The following KANK2 variants were observed in gnomAD, a reference collection of about 807,000 sequenced individuals.
KANK2 encodes the protein KN motif and ankyrin repeat domains 2, also known as KN motif and ankyrin repeat domain-containing protein 2.
A neutral mutation model predicts 74.6 loss-of-function variants in KANK2; 41 were observed. The observed-to-expected ratio is 0.55, with a 90% confidence interval of 0.43 to 0.71. The LOEUF (loss-of-function observed/expected upper bound fraction) is 0.71. KANK2 is among the 30% of genes least tolerant of loss of function. KANK2 has a pLI of 0.00. For missense variants in KANK2, 1,148 were observed against 1,196.4 expected (o/e 0.96, Z 0.60); for synonymous variants, 537 against 519.0 (o/e 1.03, Z -0.47).
Position 11,178,719 on chromosome 19 carries a change from GC to G in KANK2, c.1250del (p.Gly417AlafsTer18). 6.5e-7 allele frequency: 1 copy of G among 1,527,512 alleles called. No individual in the cohort carries two copies. The allele number at this position is 1,527,512 out of a possible 1,614,324, so 94.6% of individuals were successfully genotyped here. A position where few individuals can be genotyped will look rare whatever the true frequency, so the allele number is the denominator to read the frequency against. The part of the protein sequence containing the change: ...ITERSCDGAA[G>X]LPEVPAESSS... ...ACGATTCGGCAGGAACTTCTGGGAG[GC>G]CTGGAGGGACAGGAAATGAGTGTCT... is the stretch of plus-strand genomic sequence containing the variant. On this transcript the variant is annotated frameshift_variant and splice_region_variant, in exon 5 of 13. Coordinates refer to ENST00000586659, the MANE Select transcript of KANK2 (RefSeq NM_001136191.3). LOFTEE classifies it high-confidence loss of function.
In KANK2 at chr19:11,193,031, G is replaced by C. The variant is rs1345938999; in HGVS notation, c.1049C>G (p.Pro350Arg). The C allele has an allele frequency of 1.9e-6, 3 of 1,612,366 alleles. No homozygotes were observed. ...EVVASTAAGA[P>R]AQRAQSLEPY... ...CTCCAGGCTCTGGGCCCGCTGTGCG[G>C]GGGCGCCAGCGGCTGTGCTGGCCAC... Residue 350 changes from proline to arginine, a missense_variant, in exon 4 of 13, where the codon CCC (proline) becomes CGC (arginine). By Grantham distance (103) the Pro-to-Arg change is moderately radical. Transcript: ENST00000586659. The surrounding 1 kb of genome is among the most constrained non-coding windows in gnomAD (Gnocchi z 9.6).
Position 11,172,985 on chromosome 19 carries a change from C to T in KANK2, c.2207G>A (p.Ser736Asn). The change falls in exon 10 of 13, where the codon AGC (serine) becomes AAC (asparagine). Residue 736 changes from serine (S) to asparagine (N), a missense_variant. Ser to Asn is a conservative substitution (Grantham distance 46). Transcript: ENST00000586659. ...CAGCAGCCGGGGTCCCCATACCTGG[C>T]TGGCTTTGGCATTGATGTTGCCAAG... ...FRLGNINAKA[S>N]QAGQTALMLA... 6.2e-7 allele frequency: 1 copy of T among 1,613,196 alleles called. No homozygotes were observed. The highest frequency in any genetic ancestry group is 2.2e-5 in the East Asian group (1 of 44,848).
chr19:11,185,880 A>C (rs1297808505), intron 4 of KANK2, among the ~76,000 whole-genome samples: 1 of 152,060 alleles, frequency 6.6e-6, no homozygotes, highest in African/African-American at 2.4e-5. Flanking sequence ...CTCTACAAAA[A>C]ATTACCTGAA....
chr19:11,173,961 T>A (rs1359898594), intron 9 of KANK2, among the ~76,000 whole-genome samples: 5 of 148,916 alleles, frequency 3.4e-5, no homozygotes, highest in African/African-American at 1.3e-4. Flanking sequence ...ACTAGGCAGG[T>A]GGTGTCTCCT....
intron 2 of KANK2, chr19:11,194,791 C>A: frequency 2.7e-6 from 1 of 367,556 alleles, no homozygotes; most frequent in Non-Finnish European, 5.2e-6. Context: ...AGAAACCAAA[C>A]CTCACTGCCT....
Position 11,193,712 on chromosome 19 carries a change from C to T in KANK2, c.368G>A (p.Arg123Gln), listed in dbSNP as rs750716545. 23 of 1,612,072 alleles carry T rather than the reference C, an allele frequency of 1.4e-5. No individual in the cohort carries two copies. The highest frequency in any genetic ancestry group is 2.2e-5 in the South Asian group (2 of 91,066). Residue 123 changes from arginine to glutamine, a missense_variant, in exon 4 of 13, where the codon CGG (arginine) becomes CAG (glutamine). Coordinates refer to ENST00000586659, the MANE Select transcript of KANK2 (RefSeq NM_001136191.3). The surrounding 1 kb of genome is among the most constrained non-coding windows in gnomAD (Gnocchi z 9.6). ...ALETRGGFNP[R>Q]VERTLLDARR... The stretch of plus-strand genomic sequence containing the variant: ...GGCATCCAGCAGCGTGCGCTCCACC[C>T]GCGGATTGAAGCCACCGCGGGTCTC...
chr19:11,169,823 T>C (rs1030280381), intron 12 of KANK2, 54 bp downstream of exon 12: 2 of 1,425,462 alleles, frequency 1.4e-6, no homozygotes, highest in Non-Finnish European at 2.0e-6. Context: ...AACAAATCTC[T>C]GTCCTTTCAG....
intron 12 of KANK2, among the ~76,000 whole-genome samples, chr19:11,168,420 C>T (rs539963358): frequency 3.3e-5 from 5 of 152,086 alleles, no homozygotes; most frequent in South Asian, 2.1e-4. Flanking sequence ...CTCAGCCTCC[C>T]GAGTAGCTGG....
Position 11,196,450 on chromosome 19 carries a change from G to C in KANK2, c.-278-630C>G, listed in dbSNP as rs1392427257. 2.0e-5 allele frequency: 3 copies of C among 152,552 alleles called. No homozygotes were observed. The East Asian group carries it at 5.8e-4, about 29-fold the overall frequency. 9.4% of individuals were successfully genotyped at this position (152,552 alleles called of 1,614,324 possible). A position where few individuals can be genotyped will look rare whatever the true frequency, so the allele number is the denominator to read the frequency against. On this transcript the variant is annotated intron_variant, in intron 1 of 12. Transcript: ENST00000586659. ...CAGGGGATGCAGAGGGTACAGAAAG[G>C]TACAGTGGCTTCCTCGGGGTCACTG...
chr19:11,187,422 G>A (rs1397793646), intron 4 of KANK2, among the ~76,000 whole-genome samples: 3 of 152,042 alleles, frequency 2.0e-5, no homozygotes, highest in African/African-American at 7.3e-5. Flanking sequence ...CACGCACAAG[G>A]CATATTTTTC....
intron 4 of KANK2, chr19:11,192,570 G>A: frequency 4.8e-6 from 2 of 413,634 alleles, no homozygotes; most frequent in South Asian, 4.0e-5. Flanking sequence ...GGGTAGCTGA[G>A]GTTTACAGGC....
rs2077972802 is a variant in KANK2 at position 11,164,388 on chromosome 19, A to T, written c.*2170T>A. On this transcript the variant is annotated 3_prime_UTR_variant, in exon 13 of 13. Coordinates refer to ENST00000586659, the MANE Select transcript of KANK2 (RefSeq NM_001136191.3). The stretch of plus-strand genomic sequence containing the variant: ...TGGACGTACCGTGATCAGAAAGTGA[A>T]ATTAAAGCTCATGGATATGCGTGAG... The T allele has an allele frequency of 3.3e-5, 5 of 152,138 alleles. No homozygotes were observed. Among genetic ancestry groups the T allele is most frequent in the Admixed American group, 3.3e-4 (5 of 15,246 alleles). The allele number at this position is 152,138 out of a possible 1,614,324, so 9.4% of individuals were successfully genotyped here.
At position 11,193,185 on chromosome 19, in the gene KANK2, CCTT is replaced by C. The variant is rs758924207; in HGVS notation, c.892_894del (p.Lys298del). On this transcript the variant is annotated inframe_deletion, in exon 4 of 13. Transcript: ENST00000586659. The surrounding 1 kb of genome is among the most constrained non-coding windows in gnomAD (Gnocchi z 9.6). ...TGAGCTGCCTGCAGCTCCTGCAGCGCCTTCTTGAGCTGGGTCTCCAGCACAGCG... is the reference window on the plus strand; with the variant it reads ...TGAGCTGCCTGCAGCTCCTGCAGCGCCTTGAGCTGGGTCTCCAGCACAGCG... The C allele has an allele frequency of 1.2e-6, 2 of 1,610,328 alleles. No homozygotes were observed. The highest frequency in any genetic ancestry group is 3.3e-5 in the Admixed American group (2 of 60,004).
In KANK2 at chr19:11,175,893, A is replaced by G. The variant is rs772275511; in HGVS notation, c.1848+9T>C. On this transcript the variant is annotated intron_variant, in intron 8 of 12. Coordinates refer to ENST00000586659, the MANE Select transcript of KANK2 (RefSeq NM_001136191.3). Reference sequence around the variant, plus strand: ...GGGTGGCCAACCTAGGCCCAGGGCCAGATCGTACCAGCTCCCGCTCTGTGA... The same window carrying G: ...GGGTGGCCAACCTAGGCCCAGGGCCGGATCGTACCAGCTCCCGCTCTGTGA... The G allele has an allele frequency of 4.4e-5, 71 of 1,612,042 alleles. No individual in the cohort carries two copies. Among genetic ancestry groups the G allele is most frequent in the Non-Finnish European group, 5.7e-5 (67 of 1,178,770 alleles).
chr19:11,192,788 C>T (rs761658181), intron 4 of KANK2, 43 bp downstream of exon 4: 25 of 1,574,744 alleles, frequency 1.6e-5, no homozygotes, highest in Non-Finnish European at 1.8e-5. Flanking sequence ...AAGAGGCCCC[C>T]CCCCCCCAAG....
At position 11,165,759 on chromosome 19, in the gene KANK2, C is replaced by G. The variant is rs911592257; in HGVS notation, c.*799G>C. ...TGTAGAGATGGGTCTTGCTGTGTTG[C>G]CCAGGCTGGTCTTTAACGTCTAGGC... On this transcript the variant is annotated 3_prime_UTR_variant, in exon 13 of 13. Coordinates refer to ENST00000586659, the MANE Select transcript of KANK2 (RefSeq NM_001136191.3). The G allele has an allele frequency of 1.3e-5, 2 of 152,244 alleles. No individual in the cohort carries two copies. The highest frequency in any genetic ancestry group is 4.8e-5 in the African/African-American group (2 of 41,488). 9.4% of individuals were successfully genotyped at this position (152,244 alleles called of 1,614,324 possible).
Position 11,192,682 on chromosome 19 carries a change from G to A in KANK2, c.1249+149C>T, listed in dbSNP as rs541700369. 7.5e-5 allele frequency: 68 copies of A among 904,998 alleles called. No homozygotes were observed. The African/African-American group carries it at 9.6e-4, about 13-fold the overall frequency. 56.1% of individuals were successfully genotyped at this position (904,998 alleles called of 1,614,324 possible). A position where few individuals can be genotyped will look rare whatever the true frequency, so the allele number is the denominator to read the frequency against. ...ACTCCTGACCTCAAGTGATCTGCCCGCCTCGGCCTCCCAAAGTGCTGGGAT... is the reference window on the plus strand; with the variant it reads ...ACTCCTGACCTCAAGTGATCTGCCCACCTCGGCCTCCCAAAGTGCTGGGAT... On this transcript the variant is annotated intron_variant, in intron 4 of 12. Coordinates refer to ENST00000586659, the MANE Select transcript of KANK2 (RefSeq NM_001136191.3).
In KANK2 at chr19:11,170,222, G is replaced by A. The variant is rs1217557296; in HGVS notation, c.2238C>T (p.Ala746=). Residue 746 remains alanine, a synonymous_variant, in exon 11 of 13, where the codon GCC becomes GCT. Coordinates refer to ENST00000586659, the MANE Select transcript of KANK2 (RefSeq NM_001136191.3). This position sits in a 1 kb window ranked among gnomAD's most constrained non-coding sequence, Gnocchi z 5.2. ...CAACGTCCACCCGCCCGTGGCTGAC[G>A]GCCAGCATCAGGGCCGTCTGTCCTG... ...SQAGQTALML[A]VSHGRVDVVK... 18 of 1,610,436 alleles carry A rather than the reference G, an allele frequency of 1.1e-5. No homozygotes were observed. Among genetic ancestry groups the A allele is most frequent in the Middle Eastern group, 3.3e-4 (2 of 6,084 alleles).
intron 1 of KANK2, chr19:11,196,969 G>A (rs552794475): frequency 3.3e-5 from 5 of 152,014 alleles, no homozygotes; most frequent in African/African-American, 1.2e-4. Flanking sequence ...CAGAGAGGGG[G>A]CGGGGCCTGT....
Sources: gnomAD v4.1 joint callset for allele counts (sites outside exome capture counted in the v4.1 genomes callset) on GRCh38, gnomAD v4.1.1 for gene constraint, Gnocchi (gnomAD v3.1) non-coding constraint, MANE v1.5 for transcripts, NCBI Gene and HGNC (gene_info 2026-07-23, HGNC 2026-07-21) for gene names.